The following GRIA1 variants were observed in gnomAD, a reference collection of about 807,000 sequenced individuals.
GRIA1 encodes glutamate receptor 1.
A neutral mutation model predicts 99.2 loss-of-function variants in GRIA1; 31 were observed. The observed-to-expected ratio is 0.31, with a 90% CI of 0.23 to 0.42. The LOEUF is 0.42. GRIA1 is among the 10% of genes least tolerant of loss of function. The pLI, the probability that GRIA1 is intolerant of heterozygous loss-of-function variation, is 1.00. For missense variants in GRIA1, 782 were observed against 1,157.5 expected (o/e 0.68, Z 4.71); for synonymous variants, 438 against 432.4 (o/e 1.01, Z -0.16).
Position 153,647,092 on chromosome 5 carries a change from C to T in GRIA1, c.385C>T (p.Leu129=). Residue 129 remains leucine (L), a synonymous_variant, in exon 3 of 16, where the codon CTG becomes TTG. Coordinates refer to ENST00000285900, the MANE Select transcript of GRIA1 (RefSeq NM_000827.4). ...NQFVLQLRPE[L]QDALISIIDH... Reference sequence around the variant, plus strand: ...GTTTGTCCTTCAGCTGCGCCCTGAACTGCAGGATGCCCTCATCAGCATCAT... The same window carrying T: ...GTTTGTCCTTCAGCTGCGCCCTGAATTGCAGGATGCCCTCATCAGCATCAT... The T allele has an allele frequency of 6.2e-7, 1 of 1,613,922 alleles. No individual in the cohort carries two copies. The highest frequency in any genetic ancestry group is 8.5e-7 in the Non-Finnish European group (1 of 1,179,886).
At chr5:153,802,602 C>T (rs1179126403) in intron 15 of GRIA1, 112 bp downstream of exon 15, 1 of 1,076,100 alleles carries the variant, frequency 9.3e-7, no homozygotes, top group African/African-American at 1.6e-5. Context: ...GAGGTCAGCA[C>T]AAGACAGGAA....
intron 11 of GRIA1, among the ~76,000 whole-genome samples, chr5:153,761,008 C>G (rs558635772): frequency 6.6e-5 from 10 of 152,090 alleles, no homozygotes; most frequent in Middle Eastern, 3.2e-3. Context: ...CTATCTCTCA[C>G]TAGGTACCAA....
chr5:153,542,869 T>A (rs963452515), intron 2 of GRIA1, among the ~76,000 whole-genome samples: 5 of 152,238 alleles, frequency 3.3e-5, no homozygotes, highest in Admixed American at 6.5e-5. Flanking sequence ...ATAAACACTT[T>A]CGTCTCTCAC....
intron 11 of GRIA1, among the ~76,000 whole-genome samples, chr5:153,748,243 T>G (rs1049926274): frequency 5.3e-5 from 8 of 152,102 alleles, no homozygotes; most frequent in African/African-American, 1.9e-4. Flanking sequence ...GAGTGGTGCA[T>G]ATGAAGAGGT....
chr5:153,590,181 A>G (rs949724403), intron 2 of GRIA1, among the ~76,000 whole-genome samples: 1 of 152,152 alleles, frequency 6.6e-6, no homozygotes, highest in Non-Finnish European at 1.5e-5. Flanking sequence ...GTGGATTCAG[A>G]AGAACAGTTT....
At chr5:153,772,595 C>T (rs1245328415) in intron 13 of GRIA1, among the ~76,000 whole-genome samples, 1 of 152,068 alleles carries the variant, frequency 6.6e-6, no homozygotes, top group Non-Finnish European at 1.5e-5. Context: ...GAAGTGTAGA[C>T]ATAATTGAAT....
intron 11 of GRIA1, among the ~76,000 whole-genome samples, chr5:153,728,446 A>G (rs1379710544): frequency 7.5e-6 from 1 of 132,866 alleles, no homozygotes; most frequent in Non-Finnish European, 1.6e-5. Flanking sequence ...GTGAACAGGC[A>G]ACCTACAAAA....
chr5:153,524,146 T>C lies in GRIA1; in HGVS notation c.220+30081T>C, dbSNP rs527803721. On this transcript the variant is annotated intron_variant, in intron 2 of 15. Coordinates refer to ENST00000285900, the MANE Select transcript of GRIA1 (RefSeq NM_000827.4). Reference sequence around the variant, plus strand: ...ATAGAGATCAGCCTGACCAACATGGTGAAATCCCTGTCTCCACTAAAAATA... The same window carrying C: ...ATAGAGATCAGCCTGACCAACATGGCGAAATCCCTGTCTCCACTAAAAATA... Among the ~76,000 whole-genome samples the C allele has an allele frequency of 2.6e-5, 4 of 152,204 alleles. No individual in the cohort carries two copies. The East Asian group carries it at 5.8e-4, about 22-fold the overall frequency.
chr5:153,561,726 GTAT>G (rs1341751144), intron 2 of GRIA1, among the ~76,000 whole-genome samples: 1 of 152,154 alleles, frequency 6.6e-6, no homozygotes, highest in Non-Finnish European at 1.5e-5. Flanking sequence ...TAGGAGAATT[GTAT>G]TATTCTTACC....
At chr5:153,794,382 C>T (rs1355562385) in intron 13 of GRIA1, among the ~76,000 whole-genome samples, 1 of 152,104 alleles carries the variant, frequency 6.6e-6, no homozygotes, top group Non-Finnish European at 1.5e-5. Flanking sequence ...TTCAAAATAC[C>T]CAACTTCTGA....
chr5:153,583,215 G>T (rs944538917), intron 2 of GRIA1, among the ~76,000 whole-genome samples: 2 of 152,126 alleles, frequency 1.3e-5, no homozygotes, highest in African/African-American at 4.8e-5. Flanking sequence ...CTGCAAGTGT[G>T]AGCCTCTGCA....
intron 4 of GRIA1, among the ~76,000 whole-genome samples, chr5:153,650,804 A>C (rs1434968117): frequency 6.7e-6 from 1 of 150,348 alleles, no homozygotes; most frequent in African/African-American, 2.4e-5. Context: ...CAGGCCTGTA[A>C]TCTCAGCACT....
chr5:153,713,034 A>G (rs934170906), intron 11 of GRIA1, among the ~76,000 whole-genome samples: 1 of 152,240 alleles, frequency 6.6e-6, no homozygotes, highest in Admixed American at 6.5e-5. Flanking sequence ...TTAAAAGTAC[A>G]GAAAGCAAGG....
chr5:153,542,729 A>G (rs1759241962), intron 2 of GRIA1, among the ~76,000 whole-genome samples: 3 of 152,182 alleles, frequency 2.0e-5, no homozygotes, highest in Admixed American at 2.0e-4. Flanking sequence ...TCTATGATTC[A>G]TCTCATGGTA....
chr5:153,711,544 C>G (rs1379940756), intron 11 of GRIA1, among the ~76,000 whole-genome samples: 1 of 152,088 alleles, frequency 6.6e-6, no homozygotes, highest in African/African-American at 2.4e-5. Context: ...CAATAGGATG[C>G]TCTAGTCTAC....
chr5:153,547,939 A>G (rs933211040), intron 2 of GRIA1, among the ~76,000 whole-genome samples: 2 of 152,174 alleles, frequency 1.3e-5, no homozygotes, highest in African/African-American at 4.8e-5. Flanking sequence ...ATTATCACTA[A>G]AGCCCCTTTA....
intron 2 of GRIA1, among the ~76,000 whole-genome samples, chr5:153,631,313 T>C (rs966259765): frequency 5.3e-5 from 8 of 152,234 alleles, no homozygotes; most frequent in Admixed American, 3.9e-4. Context: ...CAAAAGCTCC[T>C]GGCCAGTAGC....
At position 153,519,341 on chromosome 5, in the gene GRIA1, C is replaced by T. The variant is rs533400621; in HGVS notation, c.220+25276C>T. 1.4e-4 allele frequency among the ~76,000 whole-genome samples: 21 copies of T among 152,086 alleles called. No individual in the cohort carries two copies. In the South Asian group the frequency reaches 1.5e-3, roughly 11 times the overall value. On this transcript the variant is annotated intron_variant, in intron 2 of 15. Transcript: ENST00000285900. ...TGAATCAGAAACTTTGGAGTTGGGGCTCAGCACTCTGTTTTAACAGGCCCC... is the reference window on the plus strand; with the variant it reads ...TGAATCAGAAACTTTGGAGTTGGGGTTCAGCACTCTGTTTTAACAGGCCCC...
At chr5:153,596,521 G>A (rs1764445402) in intron 2 of GRIA1, among the ~76,000 whole-genome samples, 1 of 152,134 alleles carries the variant, frequency 6.6e-6, no homozygotes, top group South Asian at 2.1e-4. Flanking sequence ...GGAAATGGAG[G>A]CCCCTGATTT....
Sources: gnomAD v4.1 joint callset for allele counts (sites outside exome capture counted in the v4.1 genomes callset) on GRCh38, gnomAD v4.1.1 for gene constraint, MANE v1.5 for transcripts, NCBI Gene and HGNC (gene_info 2026-07-23, HGNC 2026-07-21) for gene names.